The following EPB41 variants were observed in gnomAD, a reference collection of about 807,000 sequenced individuals.
The protein encoded by EPB41 is protein 4.1.
Under a neutral mutation model 108.0 loss-of-function variants are expected in EPB41, and 65 were observed. That is an observed-to-expected ratio of 0.60 (90% confidence interval 0.49 to 0.74). EPB41 has a LOEUF of 0.74. EPB41 is among the 30% of genes least tolerant of loss of function. The probability of loss-of-function intolerance (pLI) is 0.00; values close to 1 mark genes in which losing one functional copy is unlikely to be tolerated. For missense variants in EPB41, 875 were observed against 1,037.0 expected (o/e 0.84, Z 2.15); for synonymous variants, 336 against 358.9 (o/e 0.94, Z 0.72).
chr1:29,118,052 A>C lies in EPB41; in HGVS notation c.*1240A>C, dbSNP rs1671279764. On this transcript the variant is annotated 3_prime_UTR_variant, in exon 21 of 21. Coordinates refer to ENST00000343067, the MANE Select transcript of EPB41 (RefSeq NM_001376013.1). Reference sequence around the variant, plus strand: ...TTGGGGCTTAGTTTTCCTTTTTTTCATTTTGATTTTTGAAAGTGAAGATGA... The same window carrying C: ...TTGGGGCTTAGTTTTCCTTTTTTTCCTTTTGATTTTTGAAAGTGAAGATGA... 1 of 151,938 alleles carries C rather than the reference A, an allele frequency of 6.6e-6. No individual in the cohort carries two copies. Among genetic ancestry groups the C allele is most frequent in the Non-Finnish European group, 1.5e-5 (1 of 67,994 alleles). The allele number at this position is 151,938 out of a possible 1,614,324, so 9.4% of individuals were successfully genotyped here.
chr1:29,083,553 C>T (rs1260373370), intron 16 of EPB41, among the ~76,000 whole-genome samples: 8 of 152,102 alleles, frequency 5.3e-5, no homozygotes, highest in South Asian at 2.1e-4. Context: ...GTGCTGTTTA[C>T]ACATGGCTTT....
In EPB41 at chr1:28,938,825, T is replaced by G. The variant is rs1412750764; in HGVS notation, c.-8+24057T>G. Among the ~76,000 whole-genome samples the G allele has an allele frequency of 3.9e-5, 6 of 152,200 alleles. No individual in the cohort carries two copies. In the South Asian group the frequency reaches 1.0e-3, roughly 26 times the overall value. On this transcript the variant is annotated intron_variant, in intron 1 of 20. Transcript: ENST00000343067. ...CTGTCCTGATTTTTGAATGTTGATC[T>G]TGTATCCTGCAACCTTGGTTAACTT...
intron 7 of EPB41, among the ~76,000 whole-genome samples, chr1:29,028,257 G>A (rs888426022): frequency 1.3e-5 from 2 of 152,064 alleles, no homozygotes; most frequent in African/African-American, 4.8e-5. Context: ...GTGAGTATAG[G>A]GAAGATTTTA....
chr1:28,889,350 G>A (rs757493117), intron 1 of EPB41, among the ~76,000 whole-genome samples: 1 of 152,224 alleles, frequency 6.6e-6, no homozygotes, highest in Non-Finnish European at 1.5e-5. Context: ...TGGGGCATGG[G>A]TGGAGTGCCT....
intron 1 of EPB41, among the ~76,000 whole-genome samples, chr1:28,966,437 T>G (rs2095358531): frequency 6.6e-6 from 1 of 152,222 alleles, no homozygotes; most frequent in African/African-American, 2.4e-5. Flanking sequence ...TCAACTCATA[T>G]TTTTTGGTGC....
chr1:28,952,712 A>G (rs534464629), intron 1 of EPB41, among the ~76,000 whole-genome samples: 3 of 152,356 alleles, frequency 2.0e-5, no homozygotes, highest in African/African-American at 7.2e-5. Flanking sequence ...AATTATGTGT[A>G]TAATATATAT....
At chr1:29,013,735 G>A (rs1031107699) in intron 5 of EPB41, among the ~76,000 whole-genome samples, 1 of 151,706 alleles carries the variant, frequency 6.6e-6, no homozygotes, top group African/African-American at 2.4e-5. Flanking sequence ...CGCCATGTTG[G>A]CCAGGATGGT....
chr1:28,922,434 A>T (rs1220972003), intron 1 of EPB41, among the ~76,000 whole-genome samples: 1 of 151,210 alleles, frequency 6.6e-6, no homozygotes, highest in Non-Finnish European at 1.5e-5. Context: ...TTCTCTGAAG[A>T]TTTATTGTTA....
rs570608784 is a variant in EPB41 at position 29,096,707 on chromosome 1, T to C, written c.2185-1100T>C. On this transcript the variant is annotated intron_variant, in intron 16 of 20. Coordinates refer to ENST00000343067, the MANE Select transcript of EPB41 (RefSeq NM_001376013.1). Reference sequence around the variant, plus strand: ...TGGTGGTATGGTGAGGGTAGTGGCCTCCCTGCTGTTTTCAAAATCACAGAC... The same window carrying C: ...TGGTGGTATGGTGAGGGTAGTGGCCCCCCTGCTGTTTTCAAAATCACAGAC... 3 of 543,056 alleles carry C rather than the reference T, an allele frequency of 5.5e-6. No homozygotes were observed. In the Admixed American group the frequency reaches 1.9e-4, roughly 34 times the overall value. The allele number at this position is 543,056 out of a possible 1,614,324, so 33.6% of individuals were successfully genotyped here. A position where few individuals can be genotyped will look rare whatever the true frequency, so the allele number is the denominator to read the frequency against.
chr1:29,035,809 T>C lies in EPB41; in HGVS notation c.1366-17T>C, dbSNP rs772000839. On this transcript the variant is annotated splice_polypyrimidine_tract_variant and intron_variant, in intron 9 of 20. Coordinates refer to ENST00000343067, the MANE Select transcript of EPB41 (RefSeq NM_001376013.1). ...CATGTAATACTTCATGTCCCATGTT[T>C]ATTTGTGTTTTTGTAGCAAGAGCAG... 24 of 1,585,116 alleles carry C rather than the reference T, an allele frequency of 1.5e-5. No individual in the cohort carries two copies. The highest frequency in any genetic ancestry group is 2.0e-5 in the Non-Finnish European group (23 of 1,153,774).
chr1:28,997,095 T>G (rs2149684430), intron 3 of EPB41, 120 bp from the exon 4 acceptor site: 1 of 760,102 alleles, frequency 1.3e-6, no homozygotes, highest in Non-Finnish European at 2.4e-6. Flanking sequence ...GAGGCTGCAG[T>G]GAGCTATGAT....
intron 16 of EPB41, among the ~76,000 whole-genome samples, chr1:29,083,909 G>T (rs1264898605): frequency 6.6e-6 from 1 of 152,130 alleles, no homozygotes; most frequent in South Asian, 2.1e-4. Context: ...ACATTTTTTA[G>T]TTTGCATGTT....
At chr1:28,888,938 A>T (rs1045630542) in intron 1 of EPB41, among the ~76,000 whole-genome samples, 8 of 152,186 alleles carry the variant, frequency 5.3e-5, no homozygotes, top group African/African-American at 1.9e-4. Flanking sequence ...GGAATTATTA[A>T]TTCTAAGCCA....
chr1:29,096,379 G>A, intron 16 of EPB41: 1 of 985,934 alleles, frequency 1.0e-6, no homozygotes, highest in Non-Finnish European at 1.2e-6. Context: ...TTGATATTAA[G>A]GAGATGCCAA....
chr1:28,954,947 C>A (rs952037084), intron 1 of EPB41, among the ~76,000 whole-genome samples: 3 of 152,182 alleles, frequency 2.0e-5, no homozygotes. Context: ...ATCAGTACAT[C>A]TTTTATTAAT....
At chr1:29,093,777 C>T (rs1662188264) in intron 16 of EPB41, among the ~76,000 whole-genome samples, 5 of 152,138 alleles carry the variant, frequency 3.3e-5, no homozygotes, top group Admixed American at 3.3e-4. Flanking sequence ...TGGTGGCACA[C>T]ACCTGTAGTC....
At chr1:29,082,373 C>T (rs1657063769) in intron 16 of EPB41, among the ~76,000 whole-genome samples, 1 of 152,212 alleles carries the variant, frequency 6.6e-6, no homozygotes, top group South Asian at 2.1e-4. Flanking sequence ...ATCTGCCCAC[C>T]TCAGCCTCCC....
At chr1:28,958,509 T>C (rs2095054250) in intron 1 of EPB41, among the ~76,000 whole-genome samples, 1 of 151,118 alleles carries the variant, frequency 6.6e-6, no homozygotes, top group Admixed American at 6.6e-5. Flanking sequence ...TGGAATACCG[T>C]GTAACTGCTG....
Position 29,112,404 on chromosome 1 carries a change from A to C in EPB41, c.2452A>C (p.Lys818Gln), listed in dbSNP as rs1347374381. 5 of 1,613,964 alleles carry C rather than the reference A, an allele frequency of 3.1e-6. No homozygotes were observed. Among genetic ancestry groups the C allele is most frequent in the Non-Finnish European group, 4.2e-6 (5 of 1,179,966 alleles). ...KGGISETRIE[K>Q]RIVITGDADI... ...TGGGATTTCAGAGACACGTATTGAA[A>C]AGAGAATTGTGATCACAGGAGATGC... The change falls in exon 19 of 21, where the codon AAG (lysine) becomes CAG (glutamine). Residue 818 changes from lysine (K) to glutamine (Q), a missense_variant. This residue lies in a region of EPB41 where 519 missense variants were observed against 627.3 expected (regional missense o/e 0.83). Transcript: ENST00000343067.
Sources: gnomAD v4.1 joint callset for allele counts (sites outside exome capture counted in the v4.1 genomes callset) on GRCh38, gnomAD v4.1.1 for gene constraint, gnomAD v4.1.1 regional missense constraint, MANE v1.5 for transcripts, NCBI Gene and HGNC (gene_info 2026-07-23, HGNC 2026-07-21) for gene names.